Variants in AMZ1 observed in about 807,000 individuals in gnomAD.
AMZ1 encodes archaemetzincin-1.
A neutral mutation model predicts 29.9 loss-of-function variants in AMZ1; 39 were observed. The ratio of observed to expected loss-of-function variants is 1.30; its 90% CI spans 1.01 to 1.70. AMZ1 has a LOEUF of 1.70. Among genes scored for constraint, AMZ1 ranks in the 40% most tolerant of loss-of-function variants. AMZ1 has a pLI of 0.00. For synonymous variants in AMZ1, 458 were observed against 304.0 expected (o/e 1.51, Z -5.27); for missense variants, 1,041 against 680.6 (o/e 1.53, Z -5.89).
chr7:2,757,870 T>C (rs1351153582), intron 4 of AMZ1, among the ~76,000 whole-genome samples: 1 of 152,166 alleles, frequency 6.6e-6, no homozygotes, highest in Non-Finnish European at 1.5e-5. Flanking sequence ...AATGGCAGCT[T>C]AAATATTTTT....
In AMZ1 at chr7:2,718,495, G is replaced by A. The variant is rs892125507; in HGVS notation, c.*5617G>A. Reference sequence around the variant, plus strand: ...AATGAATGGGGACGTGTTTTGTTCAGCCCTGACTCTTGGACGCTGGTGGCA... The same window carrying A: ...AATGAATGGGGACGTGTTTTGTTCAACCCTGACTCTTGGACGCTGGTGGCA... On this transcript the variant is annotated 3_prime_UTR_variant, in exon 7 of 7. Transcript: ENST00000683327. 6.6e-6 allele frequency among the ~76,000 whole-genome samples: 1 copy of A among 152,218 alleles called. No individual in the cohort carries two copies. Among genetic ancestry groups the A allele is most frequent in the Non-Finnish European group, 1.5e-5 (1 of 68,046 alleles).
intron 4 of AMZ1, among the ~76,000 whole-genome samples, chr7:2,759,143 A>G (rs759288614): frequency 2.3e-5 from 2 of 88,174 alleles, no homozygotes; most frequent in Non-Finnish European, 4.6e-5. Flanking sequence ...CTGTCTCAAA[A>G]TAAATAAATA....
At chr7:2,707,078 G>A (rs940019145) in intron 3 of AMZ1, among the ~76,000 whole-genome samples, 62 of 152,132 alleles carry the variant, frequency 4.1e-4, no homozygotes, top group African/African-American at 1.4e-3. Flanking sequence ...TTTGAGACCA[G>A]CTTGACTAAC....
At chr7:2,725,648 C>T (rs754047909) in intron 4 of AMZ1, among the ~76,000 whole-genome samples, 43 of 152,210 alleles carry the variant, frequency 2.8e-4, no homozygotes, top group Non-Finnish European at 5.4e-4. Context: ...CGTCCACACC[C>T]TGTGGGCTCC....
At position 2,731,420 on chromosome 7, in the gene AMZ1, C is replaced by T; in HGVS notation, n.550+21604C>T. 1.2e-6 allele frequency: 2 copies of T among 1,613,334 alleles called. No individual in the cohort carries two copies. The highest frequency in any genetic ancestry group is 4.5e-5 in the East Asian group (2 of 44,852). Reference sequence around the variant, plus strand: ...TTGATGCTCACGGTCTTCACCTTCTCCACCAGGAGGTCCATCTTGTTGAGG... The same window carrying T: ...TTGATGCTCACGGTCTTCACCTTCTTCACCAGGAGGTCCATCTTGTTGAGG... On this transcript the variant is annotated intron_variant and non_coding_transcript_variant, in intron 4 of 4. Coordinates refer to the AMZ1 transcript ENST00000489665. This position sits in a 1 kb window ranked among gnomAD's most constrained non-coding sequence, Gnocchi z 6.0.
intron 5 of AMZ1, among the ~76,000 whole-genome samples, 191 bp from the exon 6 acceptor site, chr7:2,709,449 C>A (rs931182350): frequency 4.3e-5 from 4 of 93,168 alleles, no homozygotes; most frequent in Non-Finnish European, 1.0e-4. Flanking sequence ...GGCCTCCCAC[C>A]CTGACTCACC....
At chr7:2,758,835 CA>C (rs1791421792) in intron 4 of AMZ1, among the ~76,000 whole-genome samples, 1 of 152,174 alleles carries the variant, frequency 6.6e-6, no homozygotes, top group East Asian at 1.9e-4. Context: ...AGAGGGTTAT[CA>C]CCGCATGTAT....
At chr7:2,680,892 G>A (rs943388658) in intron 1 of AMZ1, among the ~76,000 whole-genome samples, 1 of 152,238 alleles carries the variant, frequency 6.6e-6, no homozygotes, top group Admixed American at 6.5e-5. Flanking sequence ...TCCATGGTCC[G>A]TGGTGTGGCC....
rs147658723 is a variant in AMZ1 at position 2,716,451 on chromosome 7, G to C, written c.*3573G>C. 1 of 152,130 alleles carries C rather than the reference G, an allele frequency of 6.6e-6. No homozygotes were observed. Among genetic ancestry groups the C allele is most frequent in the African/African-American group, 2.4e-5 (1 of 41,408 alleles). The allele number at this position is 152,130 out of a possible 1,614,324, so 9.4% of individuals were successfully genotyped here. On this transcript the variant is annotated 3_prime_UTR_variant, in exon 7 of 7. Coordinates refer to ENST00000683327, the MANE Select transcript of AMZ1 (RefSeq NM_001384743.1). ...GCATGGGTGAGGAGGGAGGGATGCC[G>C]ACCTGTTAATATTTGCTTCAGACCT... is the stretch of plus-strand genomic sequence containing the variant.
At chr7:2,758,558 A>C (rs1055749085) in intron 4 of AMZ1, among the ~76,000 whole-genome samples, 7 of 151,978 alleles carry the variant, frequency 4.6e-5, no homozygotes, top group Admixed American at 1.3e-4. Flanking sequence ...ACTTTCAGCT[A>C]AGCCAAAGGG....
chr7:2,758,897 C>A (rs915958870), intron 4 of AMZ1, among the ~76,000 whole-genome samples: 2 of 152,094 alleles, frequency 1.3e-5, no homozygotes, highest in Admixed American at 6.5e-5. Flanking sequence ...ATAATCCCAG[C>A]GCTCTGGGAG....
At chr7:2,733,717 G>A (rs1423121311) in intron 4 of AMZ1, among the ~76,000 whole-genome samples, 1 of 152,196 alleles carries the variant, frequency 6.6e-6, no homozygotes, top group African/African-American at 2.4e-5. Flanking sequence ...CAACCCCAAG[G>A]TTCAAATTCT....
intron 1 of AMZ1, among the ~76,000 whole-genome samples, chr7:2,696,448 G>C (rs376561004): frequency 1.3e-5 from 2 of 150,636 alleles, no homozygotes; most frequent in African/African-American, 4.9e-5. Flanking sequence ...TAGTAGAGAC[G>C]GGGTTTCACC....
In AMZ1 at chr7:2,758,470, C is replaced by G. The variant is rs143685144; in HGVS notation, n.551-6242C>G. Among the ~76,000 whole-genome samples, 14 of 152,274 alleles carry G rather than the reference C, an allele frequency of 9.2e-5. 1 individual carries two copies. Among genetic ancestry groups the G allele is most frequent in the South Asian group, 4.2e-4 (2 of 4,818 alleles). On this transcript the variant is annotated intron_variant and non_coding_transcript_variant, in intron 4 of 4. Coordinates refer to the AMZ1 transcript ENST00000489665. ...GGTTCTAAGACGAGCCTCAATGACA[C>G]ACGCCCTGTGCAATTTCTTCCCCTG...
chr7:2,696,013 GAAAA>G (rs35492098), intron 1 of AMZ1, among the ~76,000 whole-genome samples: 1 of 107,202 alleles, frequency 9.3e-6, no homozygotes, highest in Admixed American at 1.1e-4. Context: ...TCTTGGGGGG[GAAAA>G]AAAAAAAAAA....
Position 2,718,847 on chromosome 7 carries a change from G to A in AMZ1, c.*5969G>A, listed in dbSNP as rs1789284615. ...CTGGGGTAGGCCTCTGGGAACAGGG[G>A]AGTCACAGAAACCACGGGAAACGGA... On this transcript the variant is annotated 3_prime_UTR_variant, in exon 7 of 7. Transcript: ENST00000683327. 6.6e-6 allele frequency among the ~76,000 whole-genome samples: 1 copy of A among 152,168 alleles called. No homozygotes were observed. The highest frequency in any genetic ancestry group is 6.5e-5 in the Admixed American group (1 of 15,272).
At chr7:2,683,796 G>C (rs1196949521), upstream of AMZ1, among the ~76,000 whole-genome samples, 1 of 151,892 alleles carries the variant, frequency 6.6e-6, no homozygotes, top group African/African-American at 2.4e-5. Flanking sequence ...CCAACTCCTG[G>C]GCTCAAGTGA....
upstream of AMZ1, among the ~76,000 whole-genome samples, chr7:2,687,899 C>T (rs1787146222): frequency 6.6e-6 from 1 of 152,162 alleles, no homozygotes; most frequent in African/African-American, 2.4e-5. Context: ...TGGTTCACCT[C>T]TTCACCTGGC....
intron 4 of AMZ1, among the ~76,000 whole-genome samples, chr7:2,724,700 G>A (rs1245495541): frequency 6.6e-6 from 1 of 152,204 alleles, no homozygotes; most frequent in Non-Finnish European, 1.5e-5. Context: ...CCTTGAACCT[G>A]CTTAAGAAAA....
Sources: gnomAD v4.1 joint callset for allele counts (sites outside exome capture counted in the v4.1 genomes callset) on GRCh38, gnomAD v4.1.1 for gene constraint, Gnocchi (gnomAD v3.1) non-coding constraint, MANE v1.5 for transcripts, NCBI Gene and HGNC (gene_info 2026-07-23, HGNC 2026-07-21) for gene names.